Variants in ANK3 observed in about 807,000 individuals in gnomAD.
The protein encoded by ANK3 is ankyrin 3.
Under a neutral mutation model 370.9 loss-of-function variants are expected in ANK3, and 57 were observed. That is an observed-to-expected ratio of 0.15 (90% CI 0.12 to 0.19). The LOEUF (loss-of-function observed/expected upper bound fraction) is 0.19. ANK3 is among the 10% of genes least tolerant of loss of function. ANK3 has a pLI of 1.00. For missense variants in ANK3, 4,439 were observed against 5,302.1 expected (o/e 0.84, Z 5.06); for synonymous variants, 1,929 against 1,946.3 (o/e 0.99, Z 0.23).
chr10:60,696,979 G>A lies in ANK3; in HGVS notation c.57+36284C>T, dbSNP rs1255923634. 3.5e-4 allele frequency among the ~76,000 whole-genome samples: 50 copies of A among 141,176 alleles called. No homozygotes were observed. The South Asian group carries it at 0.012, about 33-fold the overall frequency. The allele number at this position is 141,176 out of a possible 152,430, so 92.6% of individuals were successfully genotyped here. A position where few individuals can be genotyped will look rare whatever the true frequency, so the allele number is the denominator to read the frequency against. On this transcript the variant is annotated intron_variant, in intron 1 of 43. Coordinates refer to the ANK3 transcript ENST00000373827. ...AGTCAAATTGTCCCTGTTTGCAGACGACATGATTGTTTATCTAGAAAACCC... is the reference window on the plus strand; with the variant it reads ...AGTCAAATTGTCCCTGTTTGCAGACAACATGATTGTTTATCTAGAAAACCC...
At chr10:60,445,118 T>C (rs1268254481) in intron 2 of ANK3, among the ~76,000 whole-genome samples, 1 of 152,184 alleles carries the variant, frequency 6.6e-6, no homozygotes, top group Non-Finnish European at 1.5e-5. Flanking sequence ...GAAACTATGT[T>C]TTAAAAAACG....
At position 60,538,066 on chromosome 10, in the gene ANK3, C is replaced by A. The variant is rs72820997; in HGVS notation, c.96+77120G>T. Among the ~76,000 whole-genome samples, 1,257 of 151,962 alleles carry A rather than the reference C, an allele frequency of 8.3e-3. 7 individuals are homozygous for A. Among genetic ancestry groups the A allele is most frequent in the Non-Finnish European group, 0.012 (791 of 67,856 alleles). ...TGTCATTTCCCTCTAAGCAAGGCAA[C>A]TGTGGTTATACTTAATTTTGTGTTA... On this transcript the variant is annotated intron_variant, in intron 2 of 43. Transcript: ENST00000373827.
chr10:60,673,823 A>G (rs2079091542), intron 1 of ANK3, among the ~76,000 whole-genome samples: 1 of 152,186 alleles, frequency 6.6e-6, no homozygotes, highest in Non-Finnish European at 1.5e-5. Context: ...TGTGACTACA[A>G]TGGGGGAAGG....
intron 1 of ANK3, among the ~76,000 whole-genome samples, chr10:60,698,924 G>T (rs1414514073): frequency 9.1e-5 from 11 of 120,654 alleles, no homozygotes; most frequent in Admixed American, 6.8e-4. Context: ...TAATAATAAA[G>T]AAAAATAAAT....
intron 43 of ANK3, among the ~76,000 whole-genome samples, chr10:60,039,819 T>C (rs538596879): frequency 6.6e-6 from 1 of 152,306 alleles, no homozygotes; most frequent in African/African-American, 2.4e-5. Flanking sequence ...AGCAATCATT[T>C]CACAGAAGAT....
At chr10:60,091,013 T>A (rs1006515667) in intron 28 of ANK3, among the ~76,000 whole-genome samples, 5 of 152,204 alleles carry the variant, frequency 3.3e-5, no homozygotes, top group Non-Finnish European at 7.3e-5. Context: ...CTAGTGATTC[T>A]CCTGCTTTGG....
intron 2 of ANK3, chr10:60,572,503 T>C: frequency 6.5e-7 from 1 of 1,535,984 alleles, no homozygotes; most frequent in Middle Eastern, 1.7e-4. Context: ...GGTTTTGCAT[T>C]TTTCTCCTTT....
At chr10:60,465,470 C>T (rs772908432) in intron 2 of ANK3, among the ~76,000 whole-genome samples, 4 of 152,104 alleles carry the variant, frequency 2.6e-5, no homozygotes, top group African/African-American at 7.2e-5. Context: ...AAATATAGTC[C>T]TGATCAGTCA....
intron 1 of ANK3, among the ~76,000 whole-genome samples, chr10:60,385,416 T>C (rs1216976261): frequency 6.6e-6 from 1 of 151,978 alleles, no homozygotes; most frequent in East Asian, 1.9e-4. Flanking sequence ...TCATTCTCTA[T>C]GGAGGGTGAT....
chr10:60,118,310 A>T (rs551733698), intron 25 of ANK3, among the ~76,000 whole-genome samples: 165 of 152,360 alleles, frequency 1.1e-3, no homozygotes, highest in Non-Finnish European at 1.9e-3. Context: ...ATTGAAAAAT[A>T]AATTTGTAGA....
intron 43 of ANK3, among the ~76,000 whole-genome samples, chr10:60,039,129 A>G (rs1297632449): frequency 6.6e-6 from 1 of 152,226 alleles, no homozygotes; most frequent in Non-Finnish European, 1.5e-5. Context: ...TCACTATTGT[A>G]TATCTAGTCC....
intron 2 of ANK3, among the ~76,000 whole-genome samples, chr10:60,519,804 G>A (rs1400256256): frequency 1.3e-5 from 2 of 152,098 alleles, no homozygotes; most frequent in East Asian, 3.9e-4. Flanking sequence ...AAGAACCAAG[G>A]CATAGAATCA....
At chr10:60,158,951 T>C (rs1428197996) in intron 23 of ANK3, among the ~76,000 whole-genome samples, 2 of 151,992 alleles carry the variant, frequency 1.3e-5, no homozygotes, top group Non-Finnish European at 2.9e-5. Flanking sequence ...TTTGGGATTA[T>C]AGGCATGAGC....
At chr10:60,065,900 A>G (rs1162896805) in intron 38 of ANK3, among the ~76,000 whole-genome samples, 1 of 152,208 alleles carries the variant, frequency 6.6e-6, no homozygotes, top group Non-Finnish European at 1.5e-5. Context: ...TTTTTTATGC[A>G]TTAAAACCAA....
At chr10:60,231,502 T>A (rs1404423645) in intron 8 of ANK3, among the ~76,000 whole-genome samples, 1 of 152,278 alleles carries the variant, frequency 6.6e-6, no homozygotes, top group African/African-American at 2.4e-5. Context: ...GATGGATAGA[T>A]AACGGTATCT....
At chr10:60,517,204 G>A (rs1013581484) in intron 2 of ANK3, among the ~76,000 whole-genome samples, 17 of 151,990 alleles carry the variant, frequency 1.1e-4, no homozygotes, top group African/African-American at 3.6e-4. Context: ...AGCTGGGACT[G>A]CAGACACGTG....
chr10:60,465,789 C>CTTTT (rs1205787609), intron 2 of ANK3, among the ~76,000 whole-genome samples: 16 of 109,650 alleles, frequency 1.5e-4, no homozygotes, highest in South Asian at 5.9e-4. Flanking sequence ...TTTTTTCTTT[C>CTTTT]TTTTTTTTTT....
At chr10:60,671,037 T>C (rs953398396) in intron 1 of ANK3, among the ~76,000 whole-genome samples, 1 of 152,234 alleles carries the variant, frequency 6.6e-6, no homozygotes. Flanking sequence ...AATAGGAACC[T>C]GGGTCGGAAA....
chr10:60,395,552 C>CTTTCTTTCTTTCTTTCT (rs1567004141), intron 2 of ANK3, among the ~76,000 whole-genome samples: 17 of 51,082 alleles, frequency 3.3e-4, no homozygotes, highest in African/African-American at 1.1e-3. Flanking sequence ...TACTATGCCT[C>CTTTCTTTCTTTCTTTCT]TTTCTTTCTT....
Sources: allele counts gnomAD v4.1 joint callset (sites outside exome capture counted in the v4.1 genomes callset), GRCh38; gene constraint gnomAD v4.1.1; transcripts MANE v1.5; gene names NCBI Gene and HGNC (gene_info 2026-07-23, HGNC 2026-07-21).